Variants in TUSC3 observed in about 807,000 individuals in gnomAD.
TUSC3 encodes the protein dolichyl-diphosphooligosaccharide--protein glycosyltransferase subunit TUSC3.
TUSC3 carries 45 observed loss-of-function variants against 44.8 expected under a neutral mutation model. The observed-to-expected ratio is 1.00, with a 90% confidence interval of 0.79 to 1.29. TUSC3 has a LOEUF of 1.29. Ranked by LOEUF, TUSC3 falls within the 50% of genes most tolerant of loss-of-function variation. TUSC3 has a pLI of 0.00. For synonymous variants in TUSC3, 212 were observed against 152.9 expected (o/e 1.39, Z -2.85); for missense variants, 519 against 437.9 (o/e 1.19, Z -1.65).
At chr8:15,806,964 C>T in the TUSC3 span, 1 of 1,467,870 alleles carries the variant, frequency 6.8e-7, no homozygotes, top group African/African-American at 1.4e-5. Context: ...GTTCATCAAT[C>T]TCCAGGAAAC....
chr8:15,513,361 G>A (rs1416300753), intron 2 of TUSC3, among the ~76,000 whole-genome samples: 1 of 152,076 alleles, frequency 6.6e-6, no homozygotes, highest in Non-Finnish European at 1.5e-5. Context: ...GAAGTTGCTG[G>A]TTGGAAGTAA....
intron 9 of TUSC3, among the ~76,000 whole-genome samples, chr8:15,751,390 A>G (rs1213312256): frequency 6.6e-6 from 1 of 152,168 alleles, no homozygotes; most frequent in Non-Finnish European, 1.5e-5. Flanking sequence ...TTCCACTATT[A>G]TTACTGAGTA....
At chr8:15,823,441 C>T in the TUSC3 span, among the ~76,000 whole-genome samples, 4 of 152,246 alleles carry the variant, frequency 2.6e-5, no homozygotes, top group East Asian at 1.9e-4. Context: ...ATGGTAAAGC[C>T]GTCAAGCAAC....
At chr8:15,656,985 A>T (rs1807201897) in intron 3 of TUSC3, among the ~76,000 whole-genome samples, 1 of 152,122 alleles carries the variant, frequency 6.6e-6, no homozygotes, top group South Asian at 2.1e-4. Flanking sequence ...GGAGCACTAC[A>T]GCAGTATGCA....
chr8:15,463,260 G>A (rs1387324652), intron 1 of TUSC3, among the ~76,000 whole-genome samples: 1 of 152,004 alleles, frequency 6.6e-6, no homozygotes, highest in Non-Finnish European at 1.5e-5. Context: ...TATACGTATT[G>A]GGAAGAATAA....
At chr8:15,740,545 A>T (rs1811147718) in intron 7 of TUSC3, among the ~76,000 whole-genome samples, 1 of 152,060 alleles carries the variant, frequency 6.6e-6, no homozygotes, top group South Asian at 2.1e-4. Flanking sequence ...CAGTGTGCCA[A>T]AGATTAAACC....
chr8:15,611,553 G>A (rs780031296), intron 1 of TUSC3, among the ~76,000 whole-genome samples: 1 of 152,286 alleles, frequency 6.6e-6, no homozygotes, highest in South Asian at 2.1e-4. Context: ...TATCTCTAGA[G>A]AGACCATGAT....
intron 5 of TUSC3, among the ~76,000 whole-genome samples, chr8:15,667,425 C>G (rs1348749067): frequency 1.3e-5 from 2 of 151,624 alleles, no homozygotes; most frequent in East Asian, 3.9e-4. Context: ...TATAAATTCA[C>G]TGATATGCAT....
chr8:15,796,605 A>G, the TUSC3 span, among the ~76,000 whole-genome samples: 18 of 152,198 alleles, frequency 1.2e-4, no homozygotes, highest in Non-Finnish European at 2.6e-4. Context: ...CAGCCAAACC[A>G]TCAGTGAACC....
intron 1 of TUSC3, among the ~76,000 whole-genome samples, chr8:15,550,021 G>A (rs927847035): frequency 8.6e-5 from 13 of 151,702 alleles, no homozygotes; most frequent in Admixed American, 4.6e-4. Context: ...GGTCATGATC[G>A]ATTGAGCAAG....
Position 15,639,237 on chromosome 8 carries a change from G to T in TUSC3, c.309-11460G>T, listed in dbSNP as rs572456968. On this transcript the variant is annotated intron_variant, in intron 2 of 10. Coordinates refer to ENST00000503731, the MANE Select transcript of TUSC3 (RefSeq NM_006765.4). ...TTGATGCTAGATCACGTGATGTTCA[G>T]CGCTTCAGTGATGATCATGTGTCGA... 2.0e-5 allele frequency among the ~76,000 whole-genome samples: 3 copies of T among 150,260 alleles called. No homozygotes were observed. The South Asian group carries it at 6.4e-4, about 32-fold the overall frequency.
intron 6 of TUSC3, among the ~76,000 whole-genome samples, chr8:15,683,557 TC>T (rs1465343765): frequency 6.6e-6 from 1 of 152,126 alleles, no homozygotes; most frequent in Non-Finnish European, 1.5e-5. Flanking sequence ...TTTTCTGACT[TC>T]CTTGGATTGG....
chr8:15,832,321 A>G, the TUSC3 span, among the ~76,000 whole-genome samples: 5 of 152,294 alleles, frequency 3.3e-5, no homozygotes, highest in South Asian at 2.1e-4. Flanking sequence ...TACCAAAAAC[A>G]ACAAAAATAC....
In TUSC3 at chr8:15,685,010, C is replaced by G. The variant is rs563352609; in HGVS notation, c.798+11174C>G. 1.1e-3 allele frequency among the ~76,000 whole-genome samples: 166 copies of G among 152,322 alleles called. 1 individual carries two copies. The highest frequency in any genetic ancestry group is 2.0e-3 in the Non-Finnish European group (137 of 68,028). On this transcript the variant is annotated intron_variant, in intron 6 of 10. Transcript: ENST00000503731. ...TGGCAATGGTGGCCCTGCTCTCTTG[C>G]AGCCTAGCAGACAGCAGTAGCTACA...
chr8:15,522,995 C>T (rs1188767111), intron 2 of TUSC3, among the ~76,000 whole-genome samples: 2 of 152,150 alleles, frequency 1.3e-5, no homozygotes, highest in Non-Finnish European at 2.9e-5. Flanking sequence ...AGTAAGGTGT[C>T]ACAGGAGACT....
chr8:15,604,917 A>C (rs141571200), intron 1 of TUSC3, among the ~76,000 whole-genome samples: 6 of 151,896 alleles, frequency 4.0e-5, no homozygotes, highest in Admixed American at 3.3e-4. Context: ...GTTTTTCTCT[A>C]ATGGTTCACT....
intron 2 of TUSC3, among the ~76,000 whole-genome samples, chr8:15,524,034 A>T (rs1157277432): frequency 4.1e-5 from 6 of 147,344 alleles, no homozygotes; most frequent in African/African-American, 1.5e-4. Flanking sequence ...CCAGCTTGGC[A>T]ACAGACAGAG....
intron 1 of TUSC3, among the ~76,000 whole-genome samples, chr8:15,482,882 A>C (rs764475683): frequency 6.6e-6 from 1 of 152,226 alleles, no homozygotes; most frequent in Non-Finnish European, 1.5e-5. Context: ...ACATTTTCTC[A>C]TGTGTCCCAG....
intron 1 of TUSC3, among the ~76,000 whole-genome samples, chr8:15,449,026 C>G (rs1179461699): frequency 6.6e-6 from 1 of 151,964 alleles, no homozygotes; most frequent in East Asian, 1.9e-4. Context: ...ATTCATTTAC[C>G]ACTGTTAACT....
Sources: allele counts gnomAD v4.1 joint callset (sites outside exome capture counted in the v4.1 genomes callset), GRCh38; gene constraint gnomAD v4.1.1; transcripts MANE v1.5; gene names NCBI Gene and HGNC (gene_info 2026-07-23, HGNC 2026-07-21).